The following KIAA1217 variants were observed in gnomAD, a reference collection of about 807,000 sequenced individuals.
The protein encoded by KIAA1217 is sickle tail protein homolog.
KIAA1217 carries 88 observed loss-of-function variants against 163.9 expected under a neutral mutation model. The ratio of observed to expected loss-of-function variants is 0.54; its 90% CI spans 0.45 to 0.64. The LOEUF is 0.64. Ranked by LOEUF, KIAA1217 falls within the 30% of genes least tolerant of loss-of-function variation. The pLI is 0.00. For missense variants in KIAA1217, 2,372 were observed against 2,475.0 expected (o/e 0.96, Z 0.88); for synonymous variants, 903 against 923.1 (o/e 0.98, Z 0.39).
intron 2 of KIAA1217, among the ~76,000 whole-genome samples, chr10:24,371,976 T>A (rs11014062): frequency 6.6e-6 from 1 of 152,132 alleles, no homozygotes; most frequent in Non-Finnish European, 1.5e-5. Flanking sequence ...AGCATGTTCT[T>A]ACTTAATAAG....
chr10:24,293,505 C>G (rs937873437), intron 2 of KIAA1217, among the ~76,000 whole-genome samples: 2 of 152,188 alleles, frequency 1.3e-5, no homozygotes, highest in African/African-American at 4.8e-5. Context: ...CAGGAAACAA[C>G]AGATATGCTC....
intron 2 of KIAA1217, among the ~76,000 whole-genome samples, chr10:24,313,908 C>CGGCTCACTGCAACTTCCACCTCCCG (rs1255958298): frequency 1.4e-5 from 2 of 141,826 alleles, no homozygotes; most frequent in African/African-American, 5.2e-5. Flanking sequence ...GGTGCAATCT[C>CGGCTCACTGCAACTTCCACCTCCCG]GGCTCACTGC....
At chr10:24,069,748 A>G (rs2061111149) in intron 2 of KIAA1217, among the ~76,000 whole-genome samples, 1 of 152,236 alleles carries the variant, frequency 6.6e-6, no homozygotes, top group Admixed American at 6.5e-5. Context: ...CAATGTATCC[A>G]TGAAGCTAAG....
intron 1 of KIAA1217, among the ~76,000 whole-genome samples, chr10:23,979,718 G>C (rs1845687714): frequency 6.6e-6 from 1 of 152,008 alleles, no homozygotes; most frequent in African/African-American, 2.4e-5. Context: ...TCTGCCAATT[G>C]ATACCGTAGT....
rs1475453455 is a variant in KIAA1217, at chr10:23,934,623, A to AT, written c.-320-72601dup. On this transcript the variant is annotated intron_variant, in intron 1 of 18. Coordinates refer to the KIAA1217 transcript ENST00000376462. ...TATATATATGTATATATATATATAT[A>AT]TATTTTTTTTTTGAGACGGAGTCTC... Among the ~76,000 whole-genome samples the AT allele has an allele frequency of 1.7e-3, 102 of 61,426 alleles. 4 individuals are homozygous for AT. The African/African-American group carries it at 0.018, about 11-fold the overall frequency. 40.3% of individuals were successfully genotyped at this position (61,426 alleles called of 152,430 possible).
intron 2 of KIAA1217, among the ~76,000 whole-genome samples, chr10:24,322,974 C>T (rs1471087714): frequency 1.3e-5 from 2 of 152,164 alleles, no homozygotes; most frequent in Non-Finnish European, 2.9e-5. Flanking sequence ...GACAAAGTCT[C>T]ACTCTACTGG....
chr10:23,977,447 A>C (rs1052194507), intron 1 of KIAA1217, among the ~76,000 whole-genome samples: 2 of 152,184 alleles, frequency 1.3e-5, no homozygotes, highest in Non-Finnish European at 2.9e-5. Context: ...GAGTTAGATG[A>C]GAGTGAAGTC....
chr10:23,952,592 A>G (rs1844389650), intron 1 of KIAA1217, among the ~76,000 whole-genome samples: 1 of 152,222 alleles, frequency 6.6e-6, no homozygotes, highest in South Asian at 2.1e-4. Context: ...ATTTAGGGAC[A>G]AGATTGGGAA....
chr10:24,057,560 T>C (rs1381561515), intron 2 of KIAA1217, among the ~76,000 whole-genome samples: 1 of 152,246 alleles, frequency 6.6e-6, no homozygotes, highest in Admixed American at 6.5e-5. Context: ...TCACTTAGCA[T>C]AATGTCCTCA....
At chr10:24,472,285 G>A (rs1024684457) in intron 5 of KIAA1217, among the ~76,000 whole-genome samples, 5 of 152,068 alleles carry the variant, frequency 3.3e-5, no homozygotes, top group Admixed American at 3.3e-4. Context: ...GTTCTTCAAG[G>A]GTCCACTGCC....
intron 1 of KIAA1217, among the ~76,000 whole-genome samples, chr10:23,855,518 T>A (rs1314590751): frequency 6.6e-6 from 1 of 152,182 alleles, no homozygotes; most frequent in Non-Finnish European, 1.5e-5. Context: ...TCGAGGAGTA[T>A]CTTTGCGGCA....
At chr10:24,234,193 T>C (rs1350351678) in intron 2 of KIAA1217, among the ~76,000 whole-genome samples, 1 of 151,846 alleles carries the variant, frequency 6.6e-6, no homozygotes, top group Non-Finnish European at 1.5e-5. Context: ...GTCATGCTCA[T>C]GGAAGCATTT....
chr10:23,740,124 G>C (rs896924038), intron 1 of KIAA1217, among the ~76,000 whole-genome samples: 1 of 152,108 alleles, frequency 6.6e-6, no homozygotes, highest in African/African-American at 2.4e-5. Context: ...AAGCTCAGGG[G>C]AGAGGTCAGG....
Position 24,473,234 on chromosome 10 carries a change from A to G in KIAA1217, c.853A>G (p.Arg285Gly). The G allele has an allele frequency of 6.6e-7, 1 of 1,512,268 alleles. No individual in the cohort carries two copies. Among genetic ancestry groups the G allele is most frequent in the Non-Finnish European group, 8.8e-7 (1 of 1,130,860 alleles). 93.7% of individuals were successfully genotyped at this position (1,512,268 alleles called of 1,614,324 possible). The change falls in exon 6 of 21, where the codon AGA (arginine) becomes GGA (glycine). Residue 285 changes from arginine to glycine, a missense_variant. Coordinates refer to ENST00000376454, the MANE Select transcript of KIAA1217 (RefSeq NM_019590.5). ...TCCCTTGTTTTCTTTTCAGATGCAGAGAGAACTTGTTTATGCAAGAGGAGA... is the reference window on the plus strand; with the variant it reads ...TCCCTTGTTTTCTTTTCAGATGCAGGGAGAACTTGTTTATGCAAGAGGAGA... ...KTMNGDMRMQ[R>G]ELVYARGDGP...
At chr10:23,965,316 C>T (rs374140370) in intron 1 of KIAA1217, among the ~76,000 whole-genome samples, 33 of 152,348 alleles carry the variant, frequency 2.2e-4, no homozygotes, top group East Asian at 2.1e-3. Flanking sequence ...GGCTCATAAC[C>T]AACTGTATGT....
chr10:24,070,486 ATAATACAAG>A (rs1208473891), intron 2 of KIAA1217, among the ~76,000 whole-genome samples: 3 of 152,272 alleles, frequency 2.0e-5, no homozygotes, highest in African/African-American at 7.2e-5. Flanking sequence ...AGTAATACAA[ATAATACAAG>A]TAATACAAAT....
In KIAA1217 at chr10:23,851,370, C is replaced by T. The variant is rs190958472; in HGVS notation, c.-320-155855C>T. ...ATCATTTTTATGGCTGCATAGTATT[C>T]CATGATGTATATGTGCCACATTTTC... On this transcript the variant is annotated intron_variant, in intron 1 of 18. Transcript: ENST00000376462. 6.6e-3 allele frequency among the ~76,000 whole-genome samples: 1,003 copies of T among 152,294 alleles called. 37 individuals carry two copies. Among genetic ancestry groups the T allele is most frequent in the Admixed American group, 0.046 (699 of 15,294 alleles).
chr10:24,257,218 C>T (rs1462690509), intron 2 of KIAA1217, among the ~76,000 whole-genome samples: 3 of 152,094 alleles, frequency 2.0e-5, no homozygotes, highest in Admixed American at 2.0e-4. Context: ...CAGTTTCTAC[C>T]TGGTTTTCTA....
intron 2 of KIAA1217, among the ~76,000 whole-genome samples, chr10:24,277,436 G>C (rs889380583): frequency 3.9e-5 from 6 of 152,220 alleles, no homozygotes; most frequent in African/African-American, 1.2e-4. Flanking sequence ...GGAATGGGGA[G>C]ACAAGGCCAC....
Sources: gnomAD v4.1 joint callset for allele counts (sites outside exome capture counted in the v4.1 genomes callset) on GRCh38, gnomAD v4.1.1 for gene constraint, MANE v1.5 for transcripts, NCBI Gene and HGNC (gene_info 2026-07-23, HGNC 2026-07-21) for gene names.